The following CHN1 variants were observed in gnomAD, a reference collection of about 807,000 sequenced individuals.
CHN1 encodes the protein chimerin 1, also known as N-chimaerin.
CHN1 carries 37 observed loss-of-function variants against 59.5 expected under a neutral mutation model. The observed-to-expected ratio is 0.62, with a 90% CI of 0.48 to 0.82. The LOEUF (loss-of-function observed/expected upper bound fraction) is 0.82. CHN1 is among the 40% of genes least tolerant of loss of function. CHN1 has a pLI of 0.00. For missense variants in CHN1, 469 were observed against 571.0 expected, an observed-to-expected ratio of 0.82 and a Z score of 1.82; for synonymous variants, 206 against 200.4, an observed-to-expected ratio of 1.03 and a Z score of -0.24.
chr2:174,916,348 T>A (rs1319657389), intron 4 of CHN1, among the ~76,000 whole-genome samples: 3 of 152,156 alleles, frequency 2.0e-5, no homozygotes, highest in Non-Finnish European at 2.9e-5. Context: ...TATTAAAAAT[T>A]AACAAATTTG....
Position 174,989,519 on chromosome 2 carries a change from T to C in CHN1, c.19+15375A>G, listed in dbSNP as rs75777607. Among the ~76,000 whole-genome samples the C allele has an allele frequency of 5.5e-3, 833 of 152,272 alleles. 7 individuals carry two copies. The highest frequency in any genetic ancestry group is 0.019 in the African/African-American group (784 of 41,542). ...GCATGGTGGATCACACCTGTAATCC[T>C]GGAGCTTTGAAGAATTACACTTTGA... On this transcript the variant is annotated intron_variant, in intron 1 of 12. Transcript: ENST00000409900.
At chr2:175,002,912 C>T (rs774788173) in intron 1 of CHN1, among the ~76,000 whole-genome samples, 1 of 152,170 alleles carries the variant, frequency 6.6e-6, no homozygotes, top group Admixed American at 6.5e-5. Context: ...AAATAAAATC[C>T]ATTTCTTCTA....
Position 174,941,650 on chromosome 2 carries a change from C to A in CHN1, c.114+3238G>T, listed in dbSNP as rs542677113. Among the ~76,000 whole-genome samples, 270 of 152,240 alleles carry A rather than the reference C, an allele frequency of 1.8e-3. 1 individual carries two copies. Among genetic ancestry groups the A allele is most frequent in the African/African-American group, 5.9e-3 (245 of 41,564 alleles). On this transcript the variant is annotated intron_variant, in intron 3 of 12. Coordinates refer to ENST00000409900, the MANE Select transcript of CHN1 (RefSeq NM_001822.7). ...ACTTTGTAAATGTTCACATGTTGAACGTTTGATCATCTACTCCTTATGATA... is the reference window on the plus strand; with the variant it reads ...ACTTTGTAAATGTTCACATGTTGAAAGTTTGATCATCTACTCCTTATGATA...
At chr2:174,979,255 G>A (rs527888897) in intron 1 of CHN1, among the ~76,000 whole-genome samples, 1 of 146,520 alleles carries the variant, frequency 6.8e-6, no homozygotes, top group Non-Finnish European at 1.5e-5. Context: ...ATAGGAAAAT[G>A]AGAGGTGTTA....
intron 1 of CHN1, among the ~76,000 whole-genome samples, chr2:174,961,227 G>GAAGA (rs1432245779): frequency 1.6e-5 from 2 of 121,274 alleles, no homozygotes; most frequent in African/African-American, 6.2e-5. Flanking sequence ...GGGAGGGAGG[G>GAAGA]AGGGAGGGAG....
At chr2:174,941,472 A>G (rs1021616318) in intron 3 of CHN1, among the ~76,000 whole-genome samples, 3 of 152,122 alleles carry the variant, frequency 2.0e-5, no homozygotes, top group Non-Finnish European at 4.4e-5. Flanking sequence ...CATTCTCCTA[A>G]TTCATTAATA....
At chr2:175,002,914 TTTCTTCTAACCC>T (rs1440850370) in intron 1 of CHN1, among the ~76,000 whole-genome samples, 1 of 152,220 alleles carries the variant, frequency 6.6e-6, no homozygotes, top group Non-Finnish European at 1.5e-5. Context: ...ATAAAATCCA[TTTCTTCTAACCC>T]TTAGGTACAT....
rs1412879566 is a variant in CHN1, at chr2:174,812,121, A to G, written c.886+188T>C. 3 of 427,472 alleles carry G rather than the reference A, an allele frequency of 7.0e-6. No homozygotes were observed. In the East Asian group the frequency reaches 1.0e-4, roughly 15 times the overall value. The allele number at this position is 427,472 out of a possible 1,614,324, so 26.5% of individuals were successfully genotyped here. The stretch of plus-strand genomic sequence containing the variant: ...ACATTGGCTACACTTAGTTAAATGT[A>G]CCTTGAAATCAAGCTATTTAATTGT... On this transcript the variant is annotated intron_variant, in intron 9 of 12. Transcript: ENST00000409900.
chr2:174,858,698 A>C (rs1173532920), intron 6 of CHN1, among the ~76,000 whole-genome samples: 3 of 152,132 alleles, frequency 2.0e-5, no homozygotes, highest in African/African-American at 7.2e-5. Context: ...ACTAATAGAA[A>C]ACTTAACAAC....
At chr2:174,866,310 T>G (rs1254911715) in intron 6 of CHN1, among the ~76,000 whole-genome samples, 1 of 152,212 alleles carries the variant, frequency 6.6e-6, no homozygotes, top group Non-Finnish European at 1.5e-5. Flanking sequence ...TAAAGATCCA[T>G]TACTGTTTAA....
intron 1 of CHN1, among the ~76,000 whole-genome samples, chr2:174,982,331 T>C (rs1386317548): frequency 6.6e-6 from 1 of 152,130 alleles, no homozygotes; most frequent in African/African-American, 2.4e-5. Flanking sequence ...GATGGCTGGG[T>C]CAAATGGTAT....
At chr2:174,958,669 C>T (rs916442948) in intron 1 of CHN1, among the ~76,000 whole-genome samples, 3 of 152,178 alleles carry the variant, frequency 2.0e-5, no homozygotes, top group African/African-American at 7.2e-5. Flanking sequence ...TACCTCTCTG[C>T]ATCTTAATCT....
chr2:175,005,263 T>C lies in CHN1; in HGVS notation c.-351A>G. ...GGCTGGCGGAGAGGCGGCGCCGCACTGGCGGCGGCGGCGGCGGCGACGGGG... is the reference window on the plus strand; with the variant it reads ...GGCTGGCGGAGAGGCGGCGCCGCACCGGCGGCGGCGGCGGCGGCGACGGGG... On this transcript the variant is annotated 5_prime_UTR_variant, in exon 1 of 13. Coordinates refer to ENST00000409900, the MANE Select transcript of CHN1 (RefSeq NM_001822.7). The C allele has an allele frequency of 9.7e-7, 1 of 1,032,388 alleles. No homozygotes were observed. Among genetic ancestry groups the C allele is most frequent in the Non-Finnish European group, 1.2e-6 (1 of 828,302 alleles). 64.0% of individuals were successfully genotyped at this position (1,032,388 alleles called of 1,614,324 possible).
chr2:174,865,528 G>A (rs1687191354), intron 6 of CHN1, among the ~76,000 whole-genome samples: 1 of 152,100 alleles, frequency 6.6e-6, no homozygotes, highest in African/African-American at 2.4e-5. Flanking sequence ...CTAAAAGACT[G>A]CATTAAAGAT....
chr2:174,881,269 C>T (rs940487902), intron 5 of CHN1, among the ~76,000 whole-genome samples: 1 of 152,100 alleles, frequency 6.6e-6, no homozygotes, highest in Non-Finnish European at 1.5e-5. Flanking sequence ...TGTCCAAGTA[C>T]AAAAGCATCC....
At chr2:174,850,693 C>A (rs1179856718) in intron 6 of CHN1, among the ~76,000 whole-genome samples, 2 of 152,164 alleles carry the variant, frequency 1.3e-5, no homozygotes, top group African/African-American at 2.4e-5. Flanking sequence ...TGCCTGGAAA[C>A]ACTGCCCTTC....
rs202071415 is a variant in CHN1, at chr2:174,915,514, G to GAA, written c.147-345_147-344dup. On this transcript the variant is annotated intron_variant, in intron 4 of 12. Coordinates refer to ENST00000409900, the MANE Select transcript of CHN1 (RefSeq NM_001822.7). The stretch of plus-strand genomic sequence containing the variant: ...TAACCATATGGCTTGCTAAAGAAAA[G>GAA]AAAAAAAAAAAAACGCAGAAAATGT... 6.7e-3 allele frequency among the ~76,000 whole-genome samples: 946 copies of GAA among 140,828 alleles called. 8 individuals are homozygous for GAA. The highest frequency in any genetic ancestry group is 0.018 in the African/African-American group (692 of 38,576). 92.4% of individuals were successfully genotyped at this position (140,828 alleles called of 152,430 possible).
rs1280371527 is a variant in CHN1, at chr2:174,926,704, GT to G, written c.115-8140del. ...CCTCACAAGGTAAATTGTGTATTTG[GT>G]GAAAGTCTGATCAAAGACTCAAGAA... On this transcript the variant is annotated intron_variant, in intron 3 of 12. Coordinates refer to ENST00000409900, the MANE Select transcript of CHN1 (RefSeq NM_001822.7). 5.3e-5 allele frequency among the ~76,000 whole-genome samples: 8 copies of G among 152,014 alleles called. No homozygotes were observed. In the East Asian group the frequency reaches 1.5e-3, roughly 29 times the overall value.
chr2:174,986,022 A>G (rs1187172067), intron 1 of CHN1, among the ~76,000 whole-genome samples: 1 of 152,208 alleles, frequency 6.6e-6, no homozygotes, highest in African/African-American at 2.4e-5. Context: ...TTAATTTTCC[A>G]GGGTCCAAAC....
Sources: gnomAD v4.1 joint callset for allele counts (sites outside exome capture counted in the v4.1 genomes callset) on GRCh38, gnomAD v4.1.1 for gene constraint, MANE v1.5 for transcripts, NCBI Gene and HGNC (gene_info 2026-07-23, HGNC 2026-07-21) for gene names.